Variants in SEPTIN9 observed in about 807,000 individuals in gnomAD.
The protein encoded by SEPTIN9 is septin 9, also known as septin-9.
SEPTIN9 carries 13 observed loss-of-function variants against 56.6 expected under a neutral mutation model. That is an observed-to-expected ratio of 0.23 (90% confidence interval 0.15 to 0.37). The LOEUF (loss-of-function observed/expected upper bound fraction) is 0.37. Ranked by LOEUF, SEPTIN9 falls within the 10% of genes least tolerant of loss-of-function variation. The probability of loss-of-function intolerance (pLI) is 1.00; values close to 1 mark genes in which losing one functional copy is unlikely to be tolerated. For synonymous variants in SEPTIN9, 332 were observed against 334.1 expected, an observed-to-expected ratio of 0.99 and a Z score of 0.07; for missense variants, 650 against 823.1, an observed-to-expected ratio of 0.79 and a Z score of 2.57.
At chr17:77,315,030 T>A (rs2032645458) in intron 2 of SEPTIN9, among the ~76,000 whole-genome samples, 1 of 152,242 alleles carries the variant, frequency 6.6e-6, no homozygotes, top group Non-Finnish European at 1.5e-5. Context: ...GATCCGCACC[T>A]TTCACTTTTG....
At chr17:77,336,487 T>C (rs1266559322) in intron 2 of SEPTIN9, among the ~76,000 whole-genome samples, 1 of 152,238 alleles carries the variant, frequency 6.6e-6, no homozygotes, top group Non-Finnish European at 1.5e-5. Flanking sequence ...TTGTTAAATT[T>C]ATTCCTAAGA....
At chr17:77,290,956 C>G (rs2031518803) in intron 1 of SEPTIN9, among the ~76,000 whole-genome samples, 1 of 151,590 alleles carries the variant, frequency 6.6e-6, no homozygotes, top group African/African-American at 2.4e-5. Flanking sequence ...GTCTCGACCT[C>G]CCAGTTTCAA....
chr17:77,301,332 C>A (rs188496656), intron 1 of SEPTIN9, among the ~76,000 whole-genome samples: 17 of 151,988 alleles, frequency 1.1e-4, no homozygotes, highest in African/African-American at 4.1e-4. Flanking sequence ...GCTGAGGTTA[C>A]AGGTGTGAGC....
At chr17:77,384,318 G>T (rs2035253915) in intron 2 of SEPTIN9, among the ~76,000 whole-genome samples, 2 of 152,098 alleles carry the variant, frequency 1.3e-5, no homozygotes, top group South Asian at 4.1e-4. Context: ...GTCCTCAGCA[G>T]TGCCCAGCAC....
rs11537706 is a variant in SEPTIN9 at position 77,402,184 on chromosome 17, G to A, written c.202G>A (p.Val68Met). 28 of 1,613,696 alleles carry A rather than the reference G, an allele frequency of 1.7e-5. No individual in the cohort carries two copies. In the East Asian group the frequency reaches 2.2e-4, roughly 13 times the overall value. Residue 68 changes from valine to methionine, a missense_variant, in exon 3 of 12, where the codon GTG (valine) becomes ATG (methionine). By Grantham distance (21) the Val-to-Met change is conservative. Transcript: ENST00000427177. This position sits in a 1 kb window ranked among gnomAD's most constrained non-coding sequence, Gnocchi z 6.6. ...CACCCAGAAATTCCAGGACCTGGGC[G>A]TGAAGAACTCAGAACCCTCGGCCCG... Reference protein sequence around the residue: ...SSTQKFQDLGVKNSEPSARHV... With the variant: ...SSTQKFQDLGMKNSEPSARHV...
At chr17:77,382,710 T>G (rs567439809) in intron 2 of SEPTIN9, among the ~76,000 whole-genome samples, 1 of 152,304 alleles carries the variant, frequency 6.6e-6, no homozygotes, top group East Asian at 1.9e-4. Flanking sequence ...TGCTTTTTTT[T>G]CTAAACTACA....
At chr17:77,373,359 G>C (rs1327556087) in intron 2 of SEPTIN9, 1 of 1,202,770 alleles carries the variant, frequency 8.3e-7, no homozygotes, top group African/African-American at 1.6e-5. Flanking sequence ...GAGCCAGGGG[G>C]CCTAGGGGCT....
intron 2 of SEPTIN9, among the ~76,000 whole-genome samples, chr17:77,365,915 G>A (rs886225022): frequency 6.6e-6 from 1 of 152,166 alleles, no homozygotes; most frequent in African/African-American, 2.4e-5. Flanking sequence ...GCAGGCTGGT[G>A]ACTCAGCCCT....
chr17:77,397,745 AT>A (rs2035768265), intron 2 of SEPTIN9, among the ~76,000 whole-genome samples: 1 of 151,984 alleles, frequency 6.6e-6, no homozygotes, highest in African/African-American at 2.4e-5. Flanking sequence ...TGCCTCCCGA[AT>A]TTAAGTGATT....
intron 1 of SEPTIN9, among the ~76,000 whole-genome samples, chr17:77,295,279 G>A (rs1265866323): frequency 2.6e-5 from 4 of 152,196 alleles, no homozygotes; most frequent in Non-Finnish European, 5.9e-5. Context: ...TCTTAGCATT[G>A]TGGGGGTGAC....
intron 2 of SEPTIN9, among the ~76,000 whole-genome samples, chr17:77,391,315 G>C (rs766067382): frequency 6.6e-6 from 1 of 152,134 alleles, no homozygotes; most frequent in Non-Finnish European, 1.5e-5. Context: ...TGGGGTTGCT[G>C]TAACAGAGTG....
chr17:77,298,310 A>G (rs566061443), intron 1 of SEPTIN9, among the ~76,000 whole-genome samples: 2 of 152,362 alleles, frequency 1.3e-5, no homozygotes, highest in South Asian at 2.1e-4. Context: ...CCCCTCACTA[A>G]GTTCATAAGA....
chr17:77,406,977 G>C (rs1370751029), intron 3 of SEPTIN9, among the ~76,000 whole-genome samples: 1 of 152,026 alleles, frequency 6.6e-6, no homozygotes, highest in Non-Finnish European at 1.5e-5. Context: ...GCCTGTCTTG[G>C]TTTTTATAAA....
intron 3 of SEPTIN9, among the ~76,000 whole-genome samples, chr17:77,430,853 T>TG (rs2144278297): frequency 6.6e-6 from 1 of 152,102 alleles, no homozygotes; most frequent in South Asian, 2.1e-4. Flanking sequence ...TAGCCAGGTA[T>TG]GGTGGTGCAC....
chr17:77,450,715 GGGCTGGAGA>G lies in SEPTIN9; in HGVS notation c.722-31416_722-31408del, dbSNP rs1273052577. 11 of 986,264 alleles carry G rather than the reference GGGCTGGAGA, an allele frequency of 1.1e-5. No homozygotes were observed. Among genetic ancestry groups the G allele is most frequent in the Non-Finnish European group, 1.3e-5 (11 of 830,672 alleles). 61.1% of individuals were successfully genotyped at this position (986,264 alleles called of 1,614,324 possible). A position where few individuals can be genotyped will look rare whatever the true frequency, so the allele number is the denominator to read the frequency against. The stretch of plus-strand genomic sequence containing the variant: ...CTGACTCACTGGCCAGGTCCCCCAG[GGGCTGGAGA>G]GGCTGGAGAGGCAGGAGCTGGATCA... On this transcript the variant is annotated intron_variant, in intron 3 of 11. Transcript: ENST00000427177. This position sits in a 1 kb window ranked among gnomAD's most constrained non-coding sequence, Gnocchi z 6.0.
intron 11 of SEPTIN9, among the ~76,000 whole-genome samples, chr17:77,497,777 CT>C: frequency 6.6e-6 from 1 of 152,172 alleles, no homozygotes; most frequent in Non-Finnish European, 1.5e-5. Context: ...CCTTGTTTCC[CT>C]TGAGTCCAGG....
rs1034561640 is a variant in SEPTIN9, at chr17:77,476,817, C to T, written c.722-5327C>T. 4.6e-5 allele frequency among the ~76,000 whole-genome samples: 7 copies of T among 152,206 alleles called. No individual in the cohort carries two copies. The highest frequency in any genetic ancestry group is 8.8e-5 in the Non-Finnish European group (6 of 68,038). ...GGAGTTTGTCTGGGGCATGGTCTGG[C>T]GACACCAACTTGAGAACCTCAGGCC... On this transcript the variant is annotated intron_variant, in intron 3 of 11. Transcript: ENST00000427177. The surrounding 1 kb of genome is among the most constrained non-coding windows in gnomAD (Gnocchi z 6.0).
chr17:77,432,348 G>A (rs767403512), intron 3 of SEPTIN9, among the ~76,000 whole-genome samples: 4 of 152,148 alleles, frequency 2.6e-5, no homozygotes, highest in African/African-American at 4.8e-5. Context: ...TCATCACGGC[G>A]GCATTGGCTG....
In SEPTIN9 at chr17:77,498,861, G is replaced by T. The variant is rs1333048242; in HGVS notation, c.*203G>T. On this transcript the variant is annotated 3_prime_UTR_variant, in exon 12 of 12. Transcript: ENST00000427177. Reference sequence around the variant, plus strand: ...GGCCGCGGCCTCCCCGAGGTTGTGGGGAGGCTGCACTGGAGCCACAGGCAG... The same window carrying T: ...GGCCGCGGCCTCCCCGAGGTTGTGGTGAGGCTGCACTGGAGCCACAGGCAG... 2 of 615,452 alleles carry T rather than the reference G, an allele frequency of 3.2e-6. No homozygotes were observed. The highest frequency in any genetic ancestry group is 3.0e-6 in the Non-Finnish European group (1 of 329,350). The allele number at this position is 615,452 out of a possible 1,614,324, so 38.1% of individuals were successfully genotyped here. A position where few individuals can be genotyped will look rare whatever the true frequency, so the allele number is the denominator to read the frequency against.
Sources: allele counts gnomAD v4.1 joint callset (sites outside exome capture counted in the v4.1 genomes callset), GRCh38; gene constraint gnomAD v4.1.1; non-coding constraint Gnocchi (gnomAD v3.1); transcripts MANE v1.5; gene names NCBI Gene and HGNC (gene_info 2026-07-23, HGNC 2026-07-21).